The following METTL22 variants were observed in gnomAD, a reference collection of about 807,000 sequenced individuals.
The protein encoded by METTL22 is methyltransferase 22, Kin17 lysine, also known as methyltransferase-like protein 22.
METTL22 carries 51 observed loss-of-function variants against 48.4 expected under a neutral mutation model. The ratio of observed to expected loss-of-function variants is 1.05; its 90% CI spans 0.84 to 1.33. The LOEUF (loss-of-function observed/expected upper bound fraction) is 1.33. Ranked by LOEUF, METTL22 falls within the 40% of genes most tolerant of loss-of-function variation. METTL22 has a pLI of 0.00. For missense variants in METTL22, 678 were observed against 526.9 expected (o/e 1.29, Z -2.81); for synonymous variants, 255 against 214.1 (o/e 1.19, Z -1.67).
intron 3 of METTL22, among the ~76,000 whole-genome samples, chr16:8,630,302 T>C (rs1003550392): frequency 8.5e-5 from 13 of 152,206 alleles, no homozygotes; most frequent in Non-Finnish European, 1.3e-4. Flanking sequence ...CAGTTCCATG[T>C]ATCCCATGGG....
chr16:8,651,617 A>G (rs2056899693), downstream of METTL22, among the ~76,000 whole-genome samples: 1 of 152,090 alleles, frequency 6.6e-6, no homozygotes, highest in Non-Finnish European at 1.5e-5. Context: ...CTCTATAAAT[A>G]AAAGGGATCC....
At chr16:8,659,909 A>G in the METTL22 span, among the ~76,000 whole-genome samples, 1 of 152,020 alleles carries the variant, frequency 6.6e-6, no homozygotes, top group African/African-American at 2.4e-5. Flanking sequence ...TATTTCTTGT[A>G]GAGACGGGGT....
At chr16:8,628,304 C>A (rs1487998827) in intron 2 of METTL22, among the ~76,000 whole-genome samples, 2 of 152,184 alleles carry the variant, frequency 1.3e-5, no homozygotes, top group Non-Finnish European at 1.5e-5. Flanking sequence ...AATGGATGAT[C>A]GGACAGATTC....
chr16:8,654,344 T>G (rs1396920263), downstream of METTL22, among the ~76,000 whole-genome samples: 1 of 152,196 alleles, frequency 6.6e-6, no homozygotes, highest in Non-Finnish European at 1.5e-5. Context: ...AAATGGCAGC[T>G]CTAAGGTATG....
In METTL22 at chr16:8,635,168, G is replaced by T. The variant is rs1316867950; in HGVS notation, c.556G>T (p.Val186Leu). The T allele has an allele frequency of 6.2e-7, 1 of 1,612,018 alleles. No individual in the cohort carries two copies. Among genetic ancestry groups the T allele is most frequent in the East Asian group, 2.2e-5 (1 of 44,874 alleles). ...TCGCTCCTTGTCCTCTTCCCTCCAGGTGTGGCGGGGCGCCCTGCTCCTGGC... is the reference window on the plus strand; with the variant it reads ...TCGCTCCTTGTCCTCTTCCCTCCAGTTGTGGCGGGGCGCCCTGCTCCTGGC... Reference protein sequence around the residue: ...ATPLEDVGKQVWRGALLLADY... With the variant: ...ATPLEDVGKQLWRGALLLADY... Residue 186 changes from valine to leucine, a missense_variant and splice_region_variant, in exon 5 of 11, where the codon GTG (valine) becomes TTG (leucine). Physicochemically the swap from Val to Leu is conservative, Grantham distance 32 (BLOSUM62 1). Coordinates refer to ENST00000381920, the MANE Select transcript of METTL22 (RefSeq NM_024109.4).
In METTL22 at chr16:8,625,529, C is replaced by G; in HGVS notation, c.-137C>G. On this transcript the variant is annotated 5_prime_UTR_variant, in exon 2 of 11. In the 5' UTR this introduces an upstream ATG that the reference lacks. Transcript: ENST00000381920. ...TCTTCCCTGGCCAAGTCTCTGAGAT[C>G]TTCTCCCAGGGCGATGCAAAGCTAC... 1 of 659,074 alleles carries G rather than the reference C, an allele frequency of 1.5e-6. No individual in the cohort carries two copies. Among genetic ancestry groups the G allele is most frequent in the Non-Finnish European group, 2.4e-6 (1 of 421,730 alleles). The allele number at this position is 659,074 out of a possible 1,614,324, so 40.8% of individuals were successfully genotyped here.
the METTL22 span, among the ~76,000 whole-genome samples, chr16:8,658,756 G>A: frequency 2.6e-5 from 4 of 152,184 alleles, no homozygotes; most frequent in Non-Finnish European, 5.9e-5. Flanking sequence ...CAGAGTGCAC[G>A]TCAAGGCTCT....
chr16:8,665,699 T>C, the METTL22 span, among the ~76,000 whole-genome samples: 1 of 152,220 alleles, frequency 6.6e-6, no homozygotes, highest in Admixed American at 6.5e-5. Context: ...TGAGCCCTGC[T>C]GTGTGCCAGA....
chr16:8,632,733 C>T (rs1020003508), intron 3 of METTL22, among the ~76,000 whole-genome samples: 1 of 152,160 alleles, frequency 6.6e-6, no homozygotes, highest in African/African-American at 2.4e-5. Flanking sequence ...CTGCATTTTG[C>T]AAAAGAGGAA....
the METTL22 span, among the ~76,000 whole-genome samples, chr16:8,666,226 A>G: frequency 6.6e-6 from 1 of 152,320 alleles, no homozygotes; most frequent in South Asian, 2.1e-4. Flanking sequence ...TAGTTGGTGT[A>G]TAAATACCCC....
intron 1 of METTL22, chr16:8,624,089 G>A (rs1363741197): frequency 6.6e-6 from 1 of 152,264 alleles, no homozygotes; most frequent in Non-Finnish European, 1.5e-5. Flanking sequence ...GAGAGGCGAA[G>A]TGATTTTCCT....
chr16:8,637,771 G>A (rs887360856), intron 5 of METTL22, among the ~76,000 whole-genome samples: 29 of 152,212 alleles, frequency 1.9e-4, no homozygotes, highest in Admixed American at 1.7e-3. Context: ...ACCCCACTCA[G>A]CCAGAGCTGC....
downstream of METTL22, among the ~76,000 whole-genome samples, chr16:8,653,893 G>A (rs1182734218): frequency 6.6e-6 from 1 of 152,122 alleles, no homozygotes; most frequent in East Asian, 1.9e-4. Context: ...CAGGAAGAAG[G>A]ATGATATCAG....
At chr16:8,630,217 G>C (rs1041826099) in intron 3 of METTL22, among the ~76,000 whole-genome samples, 2 of 152,084 alleles carry the variant, frequency 1.3e-5, no homozygotes, top group East Asian at 3.9e-4. Context: ...GTTACTAAGC[G>C]CCTCCACGGT....
At chr16:8,666,668 T>G in the METTL22 span, 1 of 152,220 alleles carries the variant, frequency 6.6e-6, no homozygotes, top group Non-Finnish European at 1.5e-5. Context: ...TAAAGTCATG[T>G]AATTCTTTAT....
At position 8,635,211 on chromosome 16, in the gene METTL22, G is replaced by C. The variant is rs756756107; in HGVS notation, c.599G>C (p.Arg200Pro). 1.9e-6 allele frequency: 3 copies of C among 1,611,168 alleles called. No individual in the cohort carries two copies. The highest frequency in any genetic ancestry group is 4.5e-5 in the East Asian group (2 of 44,810). ...ALLLADYILFRQDLFRGCTAL... is the reference protein window; with the variant it reads ...ALLLADYILFPQDLFRGCTAL... ...CTCCTGGCAGACTACATCCTGTTCCGACAGGACCTCTTCCGAGGATGTACA... is the reference window on the plus strand; with the variant it reads ...CTCCTGGCAGACTACATCCTGTTCCCACAGGACCTCTTCCGAGGATGTACA... Residue 200 changes from arginine to proline, a missense_variant, in exon 5 of 11, where the codon CGA becomes CCA. Transcript: ENST00000381920.
At chr16:8,649,824 A>C (rs2056867432), downstream of METTL22, among the ~76,000 whole-genome samples, 2 of 258 alleles carry the variant, frequency 7.8e-3, no homozygotes, top group South Asian at 0.5. Context: ...TAAAAAAAAA[A>C]AACCATTAGT....
chr16:8,624,265 A>G (rs2055962940), intron 1 of METTL22: 1 of 152,020 alleles, frequency 6.6e-6, no homozygotes. Flanking sequence ...TGGTTTTCCA[A>G]GTTTTAGTTA....
chr16:8,659,379 G>C, the METTL22 span, among the ~76,000 whole-genome samples: 1 of 151,080 alleles, frequency 6.6e-6, no homozygotes, highest in Admixed American at 6.6e-5. Context: ...TCCTTCACCA[G>C]ATCATGAGTC....
Sources: allele counts gnomAD v4.1 joint callset (sites outside exome capture counted in the v4.1 genomes callset), GRCh38; gene constraint gnomAD v4.1.1; transcripts MANE v1.5; gene names NCBI Gene and HGNC (gene_info 2026-07-23, HGNC 2026-07-21).